The following FRAS1 variants were observed in gnomAD, a reference collection of about 807,000 sequenced individuals.
FRAS1 encodes the protein extracellular matrix organizing protein FRAS1.
FRAS1 carries 290 observed loss-of-function variants against 435.2 expected under a neutral mutation model. That is an observed-to-expected ratio of 0.67 (90% CI 0.61 to 0.73). The LOEUF (loss-of-function observed/expected upper bound fraction) is 0.73. Ranked by LOEUF, FRAS1 falls within the 30% of genes least tolerant of loss-of-function variation. The probability of loss-of-function intolerance (pLI) is 0.00; values close to 1 mark genes in which losing one functional copy is unlikely to be tolerated. For synonymous variants in FRAS1, 1,800 were observed against 1,851.0 expected (o/e 0.97, Z 0.71); for missense variants, 4,860 against 5,001.5 (o/e 0.97, Z 0.85).
intron 14 of FRAS1, among the ~76,000 whole-genome samples, chr4:78,301,846 GTTTTTTTTTTT>G (rs59794614): frequency 9.6e-6 from 1 of 103,936 alleles, no homozygotes; most frequent in African/African-American, 3.7e-5. Context: ...CACAGAAACA[GTTTTTTTTTTT>G]TTTTTTTTTT....
intron 54 of FRAS1, among the ~76,000 whole-genome samples, chr4:78,476,552 G>A (rs1719858232): frequency 6.6e-6 from 1 of 152,086 alleles, no homozygotes; most frequent in Non-Finnish European, 1.5e-5. Context: ...TTTAATTGAG[G>A]CATTTCAGCT....
intron 43 of FRAS1, 28 bp from the exon 44 acceptor site, chr4:78,448,025 T>C: frequency 1.3e-6 from 2 of 1,551,058 alleles, no homozygotes; most frequent in Non-Finnish European, 1.7e-6. Context: ...TCTACCATTG[T>C]TTTGCTTTTC....
intron 63 of FRAS1, among the ~76,000 whole-genome samples, chr4:78,509,802 A>G (rs1198127429): frequency 1.3e-5 from 2 of 152,242 alleles, no homozygotes; most frequent in Non-Finnish European, 2.9e-5. Flanking sequence ...GGCTTAGTAT[A>G]TAGTACCTGG....
intron 2 of FRAS1, among the ~76,000 whole-genome samples, chr4:78,236,619 G>A (rs1724774945): frequency 6.6e-6 from 1 of 152,134 alleles, no homozygotes; most frequent in African/African-American, 2.4e-5. Context: ...AGTCATGAGA[G>A]CAGCCTTTCA....
In FRAS1 at chr4:78,317,497, G is replaced by A. The variant is rs566551767; in HGVS notation, c.1949G>A (p.Gly650Glu). Residue 650 changes from glycine to glutamate, a missense_variant, in exon 17 of 74, where the codon GGA becomes GAA. By Grantham distance (98) the Gly-to-Glu change is moderately conservative. Transcript: ENST00000512123. ...GGAGAGGGTTTCTACTCTGACCATGGAGTCTGCAAAGGTATCGTTGGTGTC... is the reference window on the plus strand; with the variant it reads ...GGAGAGGGTTTCTACTCTGACCATGAAGTCTGCAAAGGTATCGTTGGTGTC... Reference protein sequence around the residue: ...RCGEGFYSDHGVCKACHSSCL... With the variant: ...RCGEGFYSDHEVCKACHSSCL... The A allele has an allele frequency of 1.9e-6, 3 of 1,612,916 alleles. No homozygotes were observed. The highest frequency in any genetic ancestry group is 2.5e-6 in the Non-Finnish European group (3 of 1,179,500).
chr4:78,185,458 A>G (rs1385693172), intron 2 of FRAS1, among the ~76,000 whole-genome samples: 1 of 152,208 alleles, frequency 6.6e-6, no homozygotes, highest in African/African-American at 2.4e-5. Flanking sequence ...TTGAATCCCT[A>G]TGCTCACGGG....
rs575241310 is a variant in FRAS1, at chr4:78,113,476, C to G, written c.108+47460C>G. 6.6e-3 allele frequency among the ~76,000 whole-genome samples: 1,012 copies of G among 152,248 alleles called. 14 individuals carry two copies. Among genetic ancestry groups the G allele is most frequent in the African/African-American group, 0.023 (958 of 41,552 alleles). On this transcript the variant is annotated intron_variant, in intron 2 of 73. Coordinates refer to ENST00000512123, the MANE Select transcript of FRAS1 (RefSeq NM_025074.7). ...AAAAGTGTTCCTATTTCTCCACATC[C>G]TCTCCAGCACCTGTTGTTTCCTGAC...
intron 2 of FRAS1, among the ~76,000 whole-genome samples, chr4:78,111,879 A>T (rs997224465): frequency 2.6e-4 from 40 of 152,278 alleles, no homozygotes; most frequent in African/African-American, 9.1e-4. Context: ...ACATAGGAGA[A>T]TAATATGAGA....
At position 78,516,001 on chromosome 4, in the gene FRAS1, C is replaced by G. The variant is rs3749487; in HGVS notation, c.10377C>G (p.Thr3459=). 2 of 1,611,842 alleles carry G rather than the reference C, an allele frequency of 1.2e-6. No individual in the cohort carries two copies. The highest frequency in any genetic ancestry group is 1.7e-6 in the Non-Finnish European group (2 of 1,178,620). ...TTGACGTCTGTGGGGGCTCTGTAAC[C>G]GCTGACTTCCAGGTAGGTGCCCCGG... is the stretch of plus-strand genomic sequence containing the variant. ...ELIDVCGGSV[T]ADFQVRDSAQ... is the part of the protein sequence containing the mutation. The change falls in exon 66 of 74, where the codon ACC becomes ACG. Residue 3459 remains threonine, a synonymous_variant. Transcript: ENST00000512123.
chr4:78,138,019 T>C (rs959008450), intron 2 of FRAS1, among the ~76,000 whole-genome samples: 4 of 152,196 alleles, frequency 2.6e-5, no homozygotes, highest in African/African-American at 9.6e-5. Context: ...GTGCACCCAG[T>C]GTGCACTGGT....
chr4:78,216,774 A>C (rs1723785229), intron 2 of FRAS1, among the ~76,000 whole-genome samples: 2 of 152,200 alleles, frequency 1.3e-5, no homozygotes, highest in South Asian at 4.1e-4. Flanking sequence ...TAGAGTAGTC[A>C]GGGAAGACTT....
chr4:78,281,108 C>T (rs1486032130), intron 10 of FRAS1, among the ~76,000 whole-genome samples: 1 of 151,962 alleles, frequency 6.6e-6, no homozygotes, highest in African/African-American at 2.4e-5. Flanking sequence ...AAGAATTTGC[C>T]CTTGCAAGTT....
chr4:78,453,352 G>GAGAATAA (rs1306852830), intron 47 of FRAS1, among the ~76,000 whole-genome samples: 7 of 152,198 alleles, frequency 4.6e-5, no homozygotes, highest in Non-Finnish European at 7.3e-5. Context: ...ATAGTAAGAT[G>GAGAATAA]AGAATAATGC....
At position 78,333,261 on chromosome 4, in the gene FRAS1, C is replaced by T; in HGVS notation, c.2138-11C>T. The T allele has an allele frequency of 6.3e-7, 1 of 1,599,434 alleles. No individual in the cohort carries two copies. The highest frequency in any genetic ancestry group is 8.5e-7 in the Non-Finnish European group (1 of 1,173,586). On this transcript the variant is annotated splice_polypyrimidine_tract_variant and intron_variant, in intron 18 of 73. Transcript: ENST00000512123. ...TTCCTGATTGTCTCCTTTGCTTTAT[C>T]TTTCCCCCAGCTTGCCACCAGTCCT...
At chr4:78,459,437 CA>C (rs1719303762) in intron 47 of FRAS1, among the ~76,000 whole-genome samples, 1 of 152,344 alleles carries the variant, frequency 6.6e-6, no homozygotes, top group Admixed American at 6.5e-5. Context: ...TGGCAGAGGA[CA>C]GGGGGAGCCC....
intron 13 of FRAS1, among the ~76,000 whole-genome samples, chr4:78,285,036 T>C (rs1433192979): frequency 6.6e-6 from 1 of 152,150 alleles, no homozygotes; most frequent in African/African-American, 2.4e-5. Flanking sequence ...TAGTTGGTAA[T>C]AGAGCTTATC....
chr4:78,274,293 G>A (rs1726878886), intron 9 of FRAS1, among the ~76,000 whole-genome samples: 1 of 152,002 alleles, frequency 6.6e-6, no homozygotes. Flanking sequence ...TTTTTGAAGG[G>A]TTTTTTGTGT....
At chr4:78,063,865 TTAATC>T (rs1409827228) in intron 1 of FRAS1, among the ~76,000 whole-genome samples, 1 of 152,170 alleles carries the variant, frequency 6.6e-6, no homozygotes, top group Non-Finnish European at 1.5e-5. Flanking sequence ...TAAGTTTTGT[TTAATC>T]TAAAGTTTAA....
chr4:78,398,345 A>G (rs1452317449), intron 29 of FRAS1, among the ~76,000 whole-genome samples: 1 of 152,230 alleles, frequency 6.6e-6, no homozygotes, highest in Admixed American at 6.5e-5. Context: ...TTTCCAAAGT[A>G]CAGATTCTGA....
Sources: allele counts gnomAD v4.1 joint callset (sites outside exome capture counted in the v4.1 genomes callset), GRCh38; gene constraint gnomAD v4.1.1; transcripts MANE v1.5; gene names NCBI Gene and HGNC (gene_info 2026-07-23, HGNC 2026-07-21).